The following TRAK1 variants were observed in gnomAD, a reference collection of about 807,000 sequenced individuals.
The protein encoded by TRAK1 is trafficking kinesin protein 1.
A neutral mutation model predicts 92.1 loss-of-function variants in TRAK1; 33 were observed. That is an observed-to-expected ratio of 0.36 (90% CI 0.27 to 0.48). The LOEUF (loss-of-function observed/expected upper bound fraction) is 0.48. Ranked by LOEUF, TRAK1 falls within the 20% of genes least tolerant of loss-of-function variation. TRAK1 has a pLI of 0.99. For synonymous variants in TRAK1, 521 were observed against 517.3 expected, an observed-to-expected ratio of 1.01 and a Z score of -0.10; for missense variants, 1,123 against 1,257.9, an observed-to-expected ratio of 0.89 and a Z score of 1.62.
chr3:42,050,915 G>T (rs2148913513), intron 1 of TRAK1, among the ~76,000 whole-genome samples: 1 of 152,190 alleles, frequency 6.6e-6, no homozygotes, highest in East Asian at 1.9e-4. Context: ...TGGTCACTTT[G>T]GTGGGAATTA....
At chr3:42,128,152 C>G (rs1710828540) in intron 2 of TRAK1, among the ~76,000 whole-genome samples, 1 of 152,180 alleles carries the variant, frequency 6.6e-6, no homozygotes, top group Non-Finnish European at 1.5e-5. Context: ...GTACTCCAGC[C>G]TGGGCAACAA....
intron 2 of TRAK1, among the ~76,000 whole-genome samples, chr3:42,155,370 A>G (rs546149514): frequency 6.6e-6 from 1 of 152,312 alleles, no homozygotes; most frequent in Non-Finnish European, 1.5e-5. Context: ...AGGAAAATTT[A>G]TGCTCCGTTT....
intron 14 of TRAK1, chr3:42,217,831 T>G: frequency 3.0e-6 from 3 of 985,450 alleles, no homozygotes; most frequent in Non-Finnish European, 3.6e-6. Context: ...GATTGTTTGG[T>G]TGCCTTCTCT....
chr3:42,072,945 A>G (rs1303037287), intron 1 of TRAK1, among the ~76,000 whole-genome samples: 1 of 152,132 alleles, frequency 6.6e-6, no homozygotes, highest in Non-Finnish European at 1.5e-5. Context: ...GGCCAGAGAA[A>G]GGTTTAGCCT....
chr3:42,020,666 A>ACCCAGC (rs1269897799), intron 1 of TRAK1, among the ~76,000 whole-genome samples: 3 of 152,228 alleles, frequency 2.0e-5, no homozygotes, highest in Non-Finnish European at 4.4e-5. Flanking sequence ...TCATTGGGTC[A>ACCCAGC]TAAGACATAT....
At chr3:42,180,747 C>G (rs552473793) in intron 3 of TRAK1, among the ~76,000 whole-genome samples, 1 of 151,222 alleles carries the variant, frequency 6.6e-6, no homozygotes, top group South Asian at 2.1e-4. Context: ...ATCATCACTT[C>G]AAGCATGTAT....
intron 4 of TRAK1, among the ~76,000 whole-genome samples, chr3:42,186,730 C>A (rs1327035797): frequency 2.0e-5 from 3 of 152,176 alleles, no homozygotes; most frequent in Non-Finnish European, 4.4e-5. Flanking sequence ...GGATCCAGCT[C>A]TCTGGGAGTG....
intron 14 of TRAK1, chr3:42,217,286 GGA>G: frequency 2.0e-6 from 2 of 985,306 alleles, no homozygotes; most frequent in Non-Finnish European, 2.4e-6. Flanking sequence ...GGTGACATGC[GGA>G]GAGCCCACGG....
intron 1 of TRAK1, among the ~76,000 whole-genome samples, chr3:42,093,868 AT>A: frequency 6.6e-6 from 1 of 150,722 alleles, no homozygotes; most frequent in Middle Eastern, 3.2e-3. Flanking sequence ...ACGCCCAGCT[AT>A]TTTTTTGTAT....
intron 14 of TRAK1, among the ~76,000 whole-genome samples, chr3:42,213,563 A>C (rs1205937458): frequency 6.6e-6 from 1 of 152,248 alleles, no homozygotes; most frequent in Non-Finnish European, 1.5e-5. Flanking sequence ...GCTTGTGGTG[A>C]GAAGGAGCCA....
intron 10 of TRAK1, among the ~76,000 whole-genome samples, chr3:42,195,255 T>A (rs1162383442): frequency 6.6e-6 from 1 of 152,228 alleles, no homozygotes; most frequent in Non-Finnish European, 1.5e-5. Context: ...GTTGAGCATC[T>A]CTAATCCAGA....
rs1222939307 is a variant in TRAK1 at position 42,225,270 on chromosome 3, C to G, written c.*1533C>G. 1.3e-5 allele frequency: 2 copies of G among 152,182 alleles called. No homozygotes were observed. Among genetic ancestry groups the G allele is most frequent in the African/African-American group, 4.8e-5 (2 of 41,446 alleles). The allele number at this position is 152,182 out of a possible 1,614,324, so 9.4% of individuals were successfully genotyped here. On this transcript the variant is annotated 3_prime_UTR_variant, in exon 16 of 16. Transcript: ENST00000327628. ...AGGAAAACATCCCATATAAATGAAA[C>G]TGTCATGCTGTGTCCTCCCCGGCAG... is the stretch of plus-strand genomic sequence containing the variant.
chr3:42,132,777 C>T (rs892318415), intron 2 of TRAK1, among the ~76,000 whole-genome samples: 1 of 152,102 alleles, frequency 6.6e-6, no homozygotes, highest in Non-Finnish European at 1.5e-5. Context: ...GCTGTAATAC[C>T]AGCCACATGT....
chr3:42,063,723 A>G (rs1037242522), intron 1 of TRAK1, among the ~76,000 whole-genome samples: 112 of 151,000 alleles, frequency 7.4e-4, no homozygotes, highest in Non-Finnish European at 1.4e-3. Flanking sequence ...CCACACAGTG[A>G]AAAAAGCATA....
chr3:42,210,214 G>T (rs202014110), intron 14 of TRAK1: 2 of 1,544,430 alleles, frequency 1.3e-6, no homozygotes, highest in Non-Finnish European at 1.7e-6. Flanking sequence ...GGCACCATCC[G>T]TAGTGGTTCT....
upstream of TRAK1, among the ~76,000 whole-genome samples, chr3:42,082,656 TA>T (rs533743684): frequency 3.0e-3 from 433 of 145,486 alleles, 4 homozygotes; most frequent in Middle Eastern, 3.5e-3. Context: ...GAGCCTTTGT[TA>T]AAAAAAAAAA....
chr3:42,095,636 A>G lies in TRAK1; in HGVS notation c.91+4076A>G, dbSNP rs578047377. Among the ~76,000 whole-genome samples the G allele has an allele frequency of 6.9e-4, 105 of 152,326 alleles. 1 individual carries two copies. Among genetic ancestry groups the G allele is most frequent in the African/African-American group, 2.4e-3 (100 of 41,574 alleles). The stretch of plus-strand genomic sequence containing the variant: ...GATCTGCATTGTAAGATGATTAACC[A>G]TATTACTTAAAATGAATTCACATAC... On this transcript the variant is annotated intron_variant, in intron 1 of 15. Coordinates refer to ENST00000327628, the MANE Select transcript of TRAK1 (RefSeq NM_001042646.3).
intron 1 of TRAK1, among the ~76,000 whole-genome samples, chr3:42,098,240 A>G (rs1283189493): frequency 2.0e-5 from 3 of 151,482 alleles, no homozygotes; most frequent in Admixed American, 2.0e-4. Flanking sequence ...TTTAATAATT[A>G]TACAGCTGAG....
chr3:42,161,589 T>A (rs577157705), intron 2 of TRAK1, among the ~76,000 whole-genome samples: 2 of 152,340 alleles, frequency 1.3e-5, no homozygotes, highest in South Asian at 4.1e-4. Context: ...TCTCACTAAG[T>A]TGCCCAGGCT....
Sources: allele counts gnomAD v4.1 joint callset (sites outside exome capture counted in the v4.1 genomes callset), GRCh38; gene constraint gnomAD v4.1.1; transcripts MANE v1.5; gene names NCBI Gene and HGNC (gene_info 2026-07-23, HGNC 2026-07-21).